Variants in CCDC146 observed in about 807,000 individuals in gnomAD.
CCDC146 encodes the protein coiled-coil domain-containing protein 146.
In CCDC146, 92 loss-of-function variants were observed where a neutral mutation model predicts 119.3. That is an observed-to-expected ratio of 0.77 (90% confidence interval 0.65 to 0.92). The LOEUF (loss-of-function observed/expected upper bound fraction) is 0.92, where lower values mean the gene tolerates loss of function less well. Ranked by LOEUF, CCDC146 falls within the 40% of genes least tolerant of loss-of-function variation. The probability of loss-of-function intolerance (pLI) is 0.00; values close to 1 mark genes in which losing one functional copy is unlikely to be tolerated. For synonymous variants in CCDC146, 372 were observed against 371.8 expected (o/e 1.00, Z -0.01); for missense variants, 1,000 against 1,103.0 (o/e 0.91, Z 1.32).
Position 77,254,506 on chromosome 7 carries a change from C to A in CCDC146, c.450C>A (p.Ser150Arg). ...REFHNQYRLN[S>R]LKEEKIIIVK... ...CAAACTTGATTTTTTTTTTTTGCAG[C>A]TTAAAGGAAGAAAAAATCATCATAG... Residue 150 changes from serine (S) to arginine (R), a missense_variant and splice_region_variant, in exon 5 of 19, where the codon AGC (serine) becomes AGA (arginine). This residue lies in a region of CCDC146 where 985 missense variants were observed against 1,045.3 expected (regional missense o/e 0.94). Transcript: ENST00000285871. The A allele has an allele frequency of 6.7e-7, 1 of 1,501,818 alleles. No individual in the cohort carries two copies. The highest frequency in any genetic ancestry group is 1.2e-5 in the South Asian group (1 of 84,068). The allele number at this position is 1,501,818 out of a possible 1,614,324, so 93.0% of individuals were successfully genotyped here. A position where few individuals can be genotyped will look rare whatever the true frequency, so the allele number is the denominator to read the frequency against.
intron 14 of CCDC146, chr7:77,282,226 G>A (rs1370575181): frequency 1.3e-5 from 3 of 223,586 alleles, no homozygotes; most frequent in Non-Finnish European, 1.8e-5. Context: ...AAAAGGATCT[G>A]CAGAAAATCA....
chr7:77,199,819 G>C (rs755713780), intron 2 of CCDC146: 67 of 1,602,858 alleles, frequency 4.2e-5, no homozygotes, highest in Non-Finnish European at 5.3e-5. Flanking sequence ...CACCCCAGCA[G>C]GGAGTGCGCA....
intron 17 of CCDC146, among the ~76,000 whole-genome samples, chr7:77,288,211 T>G (rs567604760): frequency 6.6e-6 from 1 of 152,288 alleles, no homozygotes; most frequent in East Asian, 1.9e-4. Flanking sequence ...ACTCCCAGCA[T>G]GTTGCATGCT....
intron 2 of CCDC146, among the ~76,000 whole-genome samples, chr7:77,191,781 G>C (rs974204550): frequency 6.6e-6 from 1 of 152,102 alleles, no homozygotes; most frequent in African/African-American, 2.4e-5. Flanking sequence ...GTGGTGGCGG[G>C]CACCTGTAGT....
chr7:77,181,677 A>G (rs192532081), intron 2 of CCDC146, among the ~76,000 whole-genome samples: 2 of 152,166 alleles, frequency 1.3e-5, no homozygotes, highest in Admixed American at 6.5e-5. Flanking sequence ...CTCTTGATAC[A>G]TTTAGAAAGT....
intron 9 of CCDC146, among the ~76,000 whole-genome samples, chr7:77,273,209 T>C (rs1304053935): frequency 6.6e-6 from 1 of 152,190 alleles, no homozygotes; most frequent in Non-Finnish European, 1.5e-5. Context: ...GGAGAAAATA[T>C]TCCCCACCTC....
At chr7:77,233,002 A>G (rs1446628752) in intron 2 of CCDC146, among the ~76,000 whole-genome samples, 1 of 152,120 alleles carries the variant, frequency 6.6e-6, no homozygotes, top group East Asian at 1.9e-4. Flanking sequence ...TCAATTTATT[A>G]TATAACCTTA....
intron 1 of CCDC146, among the ~76,000 whole-genome samples, chr7:77,144,420 C>T (rs1160202680): frequency 2.0e-5 from 3 of 151,708 alleles, no homozygotes; most frequent in Non-Finnish European, 4.4e-5. Context: ...CTTTCTCCTG[C>T]CTGATTGCCC....
At chr7:77,210,093 C>G (rs1052875104) in intron 2 of CCDC146, among the ~76,000 whole-genome samples, 1 of 152,216 alleles carries the variant, frequency 6.6e-6, no homozygotes, top group Non-Finnish European at 1.5e-5. Context: ...TTTAATTTCT[C>G]CCCACAAACT....
intron 1 of CCDC146, among the ~76,000 whole-genome samples, chr7:77,153,305 AAGC>A (rs563870043): frequency 0.011 from 1,700 of 152,346 alleles, 21 homozygotes; most frequent in African/African-American, 0.039. Flanking sequence ...TTAAATGAAA[AAGC>A]AGGTTTGCAA....
chr7:77,287,022 A>G, intron 16 of CCDC146, 96 bp downstream of exon 16: 1 of 1,298,096 alleles, frequency 7.7e-7, no homozygotes, highest in Non-Finnish European at 1.1e-6. Context: ...TGACAGACCT[A>G]TCCTTCATTA....
chr7:77,151,191 C>A (rs903953712), intron 1 of CCDC146, among the ~76,000 whole-genome samples: 4 of 152,042 alleles, frequency 2.6e-5, no homozygotes, highest in Admixed American at 1.3e-4. Flanking sequence ...AAGGCATTAA[C>A]CCCATTCAAG....
intron 2 of CCDC146, among the ~76,000 whole-genome samples, chr7:77,220,319 G>C (rs1466835609): frequency 6.6e-6 from 1 of 152,170 alleles, no homozygotes; most frequent in African/African-American, 2.4e-5. Context: ...AGGCCTTATG[G>C]TTGTCTTCCT....
Position 77,241,506 on chromosome 7 carries a change from C to T in CCDC146, c.240-185C>T, listed in dbSNP as rs182469307. Among the ~76,000 whole-genome samples the T allele has an allele frequency of 1.5e-3, 235 of 151,790 alleles. 5 individuals are homozygous for T. The highest frequency in any genetic ancestry group is 5.4e-3 in the African/African-American group (223 of 41,438). On this transcript the variant is annotated intron_variant, in intron 3 of 18. Coordinates refer to ENST00000285871, the MANE Select transcript of CCDC146 (RefSeq NM_020879.3). ...CAATTTTTTAACAAAAATTTTCCCT[C>T]GTGGTTGGTTGAATCCACAGATGTG... is the stretch of plus-strand genomic sequence containing the variant.
chr7:77,193,960 G>T (rs1176448997), intron 2 of CCDC146: 1 of 152,462 alleles, frequency 6.6e-6, no homozygotes, highest in African/African-American at 2.4e-5. Flanking sequence ...TGTTATAAAA[G>T]TCTAGAATTA....
chr7:77,278,486 C>T (rs1793698895), intron 11 of CCDC146, among the ~76,000 whole-genome samples: 1 of 137,568 alleles, frequency 7.3e-6, no homozygotes, highest in Admixed American at 7.9e-5. Flanking sequence ...TACTTTGTCG[C>T]CCAGGCTGGA....
intron 2 of CCDC146, among the ~76,000 whole-genome samples, chr7:77,170,829 T>G (rs974958219): frequency 6.6e-6 from 1 of 152,176 alleles, no homozygotes; most frequent in Non-Finnish European, 1.5e-5. Context: ...TCAGCATCAC[T>G]AATTATCAGA....
intron 2 of CCDC146, among the ~76,000 whole-genome samples, chr7:77,201,745 T>C (rs1055088340): frequency 6.6e-6 from 1 of 152,222 alleles, no homozygotes; most frequent in African/African-American, 2.4e-5. Flanking sequence ...CCATTCAATA[T>C]ATCCAATTTT....
At chr7:77,138,017 G>A (rs1584017070) in intron 1 of CCDC146, among the ~76,000 whole-genome samples, 1 of 151,946 alleles carries the variant, frequency 6.6e-6, no homozygotes, top group East Asian at 1.9e-4. Flanking sequence ...GGCATGGTCA[G>A]TTCTGATGAG....
Sources: allele counts gnomAD v4.1 joint callset (sites outside exome capture counted in the v4.1 genomes callset), GRCh38; gene constraint gnomAD v4.1.1; regional missense constraint gnomAD v4.1.1; transcripts MANE v1.5; gene names NCBI Gene and HGNC (gene_info 2026-07-23, HGNC 2026-07-21).